The following PTBP1 variants were observed in gnomAD, a reference collection of about 807,000 sequenced individuals.
PTBP1 encodes the protein polypyrimidine tract-binding protein 1.
In PTBP1, 8 loss-of-function variants were observed where a neutral mutation model predicts 59.8. The ratio of observed to expected loss-of-function variants is 0.13; its 90% CI spans 0.08 to 0.24. PTBP1 has a LOEUF of 0.24. Among genes scored for constraint, PTBP1 ranks in the 10% least tolerant of loss-of-function variants. The pLI is 1.00. For synonymous variants in PTBP1, 490 were observed against 320.7 expected, an observed-to-expected ratio of 1.53 and a Z score of -5.64; for missense variants, 686 against 767.0, an observed-to-expected ratio of 0.89 and a Z score of 1.25.
intron 9 of PTBP1, chr19:805,991 C>A (rs2034546410): frequency 1.9e-5 from 5 of 259,400 alleles, no homozygotes; most frequent in South Asian, 5.6e-5. Flanking sequence ...GGGACCGGGG[C>A]CCGGCCGCCC....
In PTBP1 at chr19:804,573, G is replaced by A. The variant is rs772250465; in HGVS notation, c.477G>A (p.Ser159=). The change falls in exon 6 of 15, where the codon TCG becomes TCA. Residue 159 remains serine (S), a synonymous_variant. Transcript: ENST00000356948. ...AALQAVNSVQ[S]GNLALAASAA... is the part of the protein sequence containing the mutation. ...TGCAGGCGGTGAACTCGGTCCAGTC[G>A]GGGAACCTGGCCTTGGCTGCCTCGG... 21 of 1,609,622 alleles carry A rather than the reference G, an allele frequency of 1.3e-5. No individual in the cohort carries two copies. Among genetic ancestry groups the A allele is most frequent in the African/African-American group, 2.7e-5 (2 of 74,900 alleles).
intron 8 of PTBP1, 113 bp downstream of exon 8, chr19:805,300 T>G (rs1172101721): frequency 7.6e-7 from 1 of 1,314,538 alleles, no homozygotes; most frequent in South Asian, 1.3e-5. Context: ...CACCTGCTGC[T>G]CTCTGCACGG....
Position 811,567 on chromosome 19 carries a change from T to A in PTBP1, c.*741T>A, listed in dbSNP as rs940956161. ...TTTATAGCAAGATGATACAATGGTA[T>A]GAGTGTAATCTAAACTTCCTTGTGG... On this transcript the variant is annotated 3_prime_UTR_variant, in exon 15 of 15. Transcript: ENST00000356948. 1 of 152,462 alleles carries A rather than the reference T, an allele frequency of 6.6e-6. No homozygotes were observed. Among genetic ancestry groups the A allele is most frequent in the African/African-American group, 2.4e-5 (1 of 41,474 alleles). The allele number at this position is 152,462 out of a possible 1,614,324, so 9.4% of individuals were successfully genotyped here.
intron 5 of PTBP1, 42 bp from the exon 6 acceptor site, chr19:804,490 C>T (rs1199998659): frequency 6.3e-7 from 1 of 1,594,020 alleles, no homozygotes; most frequent in Admixed American, 1.7e-5. Context: ...GGGGGTGGGC[C>T]CAGCCGCAGG....
At chr19:802,259 C>T (rs1427767181) in intron 2 of PTBP1, among the ~76,000 whole-genome samples, 1 of 152,194 alleles carries the variant, frequency 6.6e-6, no homozygotes, top group African/African-American at 2.4e-5. Flanking sequence ...GCTTTGGAGG[C>T]TCGGGCAGTC....
intron 9 of PTBP1, chr19:806,119 G>A: frequency 2.8e-6 from 1 of 357,732 alleles, no homozygotes; most frequent in East Asian, 4.9e-5. Context: ...AGGGCCCCGT[G>A]TCTGTGCTGG....
Position 811,064 on chromosome 19 carries a change from C to T in PTBP1, c.*238C>T, listed in dbSNP as rs138712270. ...GCGGGAGTTCCCGGCCCTCCACACC[C>T]GGGGCCAGACCCTCGGGGCCATGCC... On this transcript the variant is annotated 3_prime_UTR_variant, in exon 15 of 15. Coordinates refer to ENST00000356948, the MANE Select transcript of PTBP1 (RefSeq NM_002819.5). 32 of 443,040 alleles carry T rather than the reference C, an allele frequency of 7.2e-5. No individual in the cohort carries two copies. The highest frequency in any genetic ancestry group is 3.5e-4 in the African/African-American group (17 of 48,482). The allele number at this position is 443,040 out of a possible 1,614,324, so 27.4% of individuals were successfully genotyped here.
chr19:809,478 G>A (rs981558655), intron 13 of PTBP1, among the ~76,000 whole-genome samples: 3 of 151,962 alleles, frequency 2.0e-5, no homozygotes, highest in Non-Finnish European at 4.4e-5. Flanking sequence ...CCGCCAGCAC[G>A]CCCGGCTAAT....
rs1599229636 is a variant in PTBP1, at chr19:804,710, G to C, written c.606+8G>C. On this transcript the variant is annotated splice_region_variant and intron_variant, in intron 6 of 14. Transcript: ENST00000356948. ...CTGGATGTGCTGCACCAGGTGAGGT[G>C]GTCCCATCACCGCCAGGGCAGGTCG... 6.2e-7 allele frequency: 1 copy of C among 1,610,950 alleles called. No homozygotes were observed.
chr19:797,640 C>T (rs1471122686), intron 1 of PTBP1, 135 bp downstream of exon 1: 1 of 478,824 alleles, frequency 2.1e-6, no homozygotes, highest in Non-Finnish European at 3.1e-6. Flanking sequence ...CCCTTCCTCT[C>T]CGCGTGGCGG....
At chr19:803,488 A>C in intron 2 of PTBP1, 73 bp from the exon 3 acceptor site, 1 of 1,320,642 alleles carries the variant, frequency 7.6e-7, no homozygotes, top group Non-Finnish European at 1.1e-6. Flanking sequence ...AAGTGGGAGC[A>C]GGGCCGGCCG....
At chr19:798,644 C>G (rs2034188691) in intron 1 of PTBP1, 1 of 152,230 alleles carries the variant, frequency 6.6e-6, no homozygotes, top group Non-Finnish European at 1.5e-5. Flanking sequence ...AGGCAGGAGG[C>G]CCGGAGGCTG....
rs139864698 is a variant in PTBP1, at chr19:804,963, G to A, written c.717+24G>A. On this transcript the variant is annotated intron_variant, in intron 7 of 14. Transcript: ENST00000356948. ...TGGTGAGTGGGGCTCCCGGGACGGC[G>A]CCCGCCCTGGCCCTGGCCCGGCGAC... 2.4e-3 allele frequency: 3,911 copies of A among 1,611,996 alleles called. 8 individuals carry two copies. The highest frequency in any genetic ancestry group is 3.0e-3 in the Non-Finnish European group (3,509 of 1,178,686).
chr19:806,501 C>T lies in PTBP1; in HGVS notation c.1064C>T (p.Pro355Leu). 1.3e-6 allele frequency: 2 copies of T among 1,573,178 alleles called. No homozygotes were observed. The highest frequency in any genetic ancestry group is 1.7e-6 in the Non-Finnish European group (2 of 1,162,430). The change falls in exon 10 of 15, where the codon CCG becomes CTG. Residue 355 changes from proline to leucine, a missense_variant. By Grantham distance (98) the Pro-to-Leu change is moderately conservative (BLOSUM62 -3). Coordinates refer to ENST00000356948, the MANE Select transcript of PTBP1 (RefSeq NM_002819.5). The stretch of plus-strand genomic sequence containing the variant: ...GCGGCGGCAGGTCGGATCGCCATCC[C>T]GGGCCTGGCGGGGGCAGGAAATTCT... ...AAAAAGRIAIPGLAGAGNSVL... is the reference protein window; with the variant it reads ...AAAAAGRIAILGLAGAGNSVL...
chr19:809,505 G>A (rs1479577503), intron 13 of PTBP1, among the ~76,000 whole-genome samples: 3 of 150,996 alleles, frequency 2.0e-5, no homozygotes, highest in Non-Finnish European at 4.4e-5. Flanking sequence ...TATTTTTAGT[G>A]GAAACGGGGT....
In PTBP1 at chr19:811,000, CGGTGACAGGGACAGCTCAGGCTCTT is replaced by C. The variant is rs1192737101; in HGVS notation, c.*181_*205del. 1.5e-6 allele frequency: 1 copy of C among 659,962 alleles called. No homozygotes were observed. Among genetic ancestry groups the C allele is most frequent in the African/African-American group, 1.9e-5 (1 of 51,956 alleles). The allele number at this position is 659,962 out of a possible 1,614,324, so 40.9% of individuals were successfully genotyped here. On this transcript the variant is annotated 3_prime_UTR_variant, in exon 15 of 15. Coordinates refer to ENST00000356948, the MANE Select transcript of PTBP1 (RefSeq NM_002819.5). ...AATCTAGTTCACCTTGCTCACCCTG[CGGTGACAGGGACAGCTCAGGCTCTT>C]GGTGACTGTGGCAGCGGGAGTTCCC...
intron 1 of PTBP1, 68 bp from the exon 2 acceptor site, chr19:799,345 G>A (rs768207644): frequency 2.7e-6 from 4 of 1,480,116 alleles, no homozygotes; most frequent in African/African-American, 1.4e-5. Context: ...CTGGCCCGGG[G>A]ACAGCTGGGT....
chr19:804,273 C>A lies in PTBP1; in HGVS notation c.289-19C>A. On this transcript the variant is annotated intron_variant, in intron 4 of 14. Transcript: ENST00000356948. Reference sequence around the variant, plus strand: ...AGGCGGGGACGAGGAGGGCCCAGCGCTCACTGCCTCCCCAACAGGCCTTCA... The same window carrying A: ...AGGCGGGGACGAGGAGGGCCCAGCGATCACTGCCTCCCCAACAGGCCTTCA... 6.2e-7 allele frequency: 1 copy of A among 1,613,246 alleles called. No homozygotes were observed. Among genetic ancestry groups the A allele is most frequent in the Non-Finnish European group, 8.5e-7 (1 of 1,179,616 alleles).
rs369468610 is a variant in PTBP1, at chr19:804,460, C to T, written c.435+22C>T. ...GGCGGTGCGTGGCCCCGCGGCGGACCCCAGCAGCCCGGGGACCTCGGGGGT... is the reference window on the plus strand; with the variant it reads ...GGCGGTGCGTGGCCCCGCGGCGGACTCCAGCAGCCCGGGGACCTCGGGGGT... On this transcript the variant is annotated intron_variant, in intron 5 of 14. Coordinates refer to ENST00000356948, the MANE Select transcript of PTBP1 (RefSeq NM_002819.5). The T allele has an allele frequency of 4.7e-5, 75 of 1,605,096 alleles. No homozygotes were observed. In the African/African-American group the frequency reaches 8.4e-4, roughly 18 times the overall value.
Sources: gnomAD v4.1 joint callset for allele counts (sites outside exome capture counted in the v4.1 genomes callset) on GRCh38, gnomAD v4.1.1 for gene constraint, MANE v1.5 for transcripts, NCBI Gene and HGNC (gene_info 2026-07-23, HGNC 2026-07-21) for gene names.